Variants in ANKFN1 observed in about 807,000 individuals in gnomAD.
ANKFN1 encodes the protein ankyrin repeat and fibronectin type III domain containing 1.
In ANKFN1, 74 loss-of-function variants were observed where a neutral mutation model predicts 108.7. That is an observed-to-expected ratio of 0.68 (90% confidence interval 0.56 to 0.83). The LOEUF (loss-of-function observed/expected upper bound fraction) is 0.83. Ranked by LOEUF, ANKFN1 falls within the 40% of genes least tolerant of loss-of-function variation. ANKFN1 has a pLI of 0.00. For missense variants in ANKFN1, 1,505 were observed against 1,382.3 expected, an observed-to-expected ratio of 1.09 and a Z score of -1.41; for synonymous variants, 547 against 516.2, an observed-to-expected ratio of 1.06 and a Z score of -0.81.
chr17:56,133,903 A>C (rs2143358794), intron 4 of ANKFN1, among the ~76,000 whole-genome samples: 1 of 152,212 alleles, frequency 6.6e-6, no homozygotes. Context: ...ATGTCTTACA[A>C]TTCAATTCAA....
At chr17:56,238,045 T>A (rs1246597756) in intron 3 of ANKFN1, among the ~76,000 whole-genome samples, 1 of 152,170 alleles carries the variant, frequency 6.6e-6, no homozygotes, top group Non-Finnish European at 1.5e-5. Context: ...CCAAAAGTCA[T>A]ACAGGAGCAT....
intron 1 of ANKFN1, among the ~76,000 whole-genome samples, chr17:56,177,453 A>G (rs1317260560): frequency 6.6e-6 from 1 of 152,224 alleles, no homozygotes; most frequent in Non-Finnish European, 1.5e-5. Context: ...AGCAAGAGCC[A>G]AGTACAAGCT....
chr17:56,427,506 A>T (rs1229357391), intron 8 of ANKFN1, among the ~76,000 whole-genome samples: 1 of 152,084 alleles, frequency 6.6e-6, no homozygotes, highest in Non-Finnish European at 1.5e-5. Context: ...TGAGACTCAT[A>T]GACTCAGTAC....
At chr17:56,186,553 A>G (rs1230495445) in intron 1 of ANKFN1, among the ~76,000 whole-genome samples, 3 of 152,242 alleles carry the variant, frequency 2.0e-5, no homozygotes, top group African/African-American at 7.2e-5. Flanking sequence ...GCAAAAATGT[A>G]TGAATCGTAG....
chr17:56,209,844 A>G (rs1255745940), intron 1 of ANKFN1, among the ~76,000 whole-genome samples: 1 of 152,126 alleles, frequency 6.6e-6, no homozygotes, highest in African/African-American at 2.4e-5. Context: ...CTGAGTGCCC[A>G]AAGTCCATTG....
chr17:56,383,994 C>T (rs1265752218), intron 8 of ANKFN1, among the ~76,000 whole-genome samples: 1 of 152,150 alleles, frequency 6.6e-6, no homozygotes, highest in East Asian at 1.9e-4. Flanking sequence ...CAGCATCATC[C>T]TGATACCAAA....
chr17:56,314,176 C>G (rs992232917), intron 3 of ANKFN1, among the ~76,000 whole-genome samples: 7 of 152,152 alleles, frequency 4.6e-5, no homozygotes, highest in Non-Finnish European at 1.0e-4. Flanking sequence ...TTAGCTATTA[C>G]TCTATTCATG....
intron 3 of ANKFN1, among the ~76,000 whole-genome samples, chr17:56,249,108 A>G (rs772382200): frequency 1.3e-5 from 2 of 152,142 alleles, no homozygotes; most frequent in Non-Finnish European, 1.5e-5. Context: ...AGTGAAGATC[A>G]TCCTAACCTT....
Position 56,511,301 on chromosome 17 carries a change from G to T in ANKFN1, c.*32G>T. The stretch of plus-strand genomic sequence containing the variant: ...CCATCCCGGCTGTCCACCCCTCCAT[G>T]GCTGCTACCTGCGTTTTACATCACC... On this transcript the variant is annotated 3_prime_UTR_variant, in exon 21 of 21. Coordinates refer to ENST00000682825, the MANE Select transcript of ANKFN1 (RefSeq NM_001370326.1). 6.8e-7 allele frequency: 1 copy of T among 1,479,930 alleles called. No individual in the cohort carries two copies. Among genetic ancestry groups the T allele is most frequent in the South Asian group, 1.3e-5 (1 of 75,200 alleles). The allele number at this position is 1,479,930 out of a possible 1,614,324, so 91.7% of individuals were successfully genotyped here. A position where few individuals can be genotyped will look rare whatever the true frequency, so the allele number is the denominator to read the frequency against.
chr17:56,196,564 G>C (rs1913529668), intron 1 of ANKFN1, among the ~76,000 whole-genome samples: 1 of 151,990 alleles, frequency 6.6e-6, no homozygotes, highest in Non-Finnish European at 1.5e-5. Context: ...TGAGACCCCT[G>C]TCACTACAAA....
At chr17:56,453,855 T>A (rs1457503774) in intron 11 of ANKFN1, among the ~76,000 whole-genome samples, 4 of 152,102 alleles carry the variant, frequency 2.6e-5, no homozygotes, top group Non-Finnish European at 4.4e-5. Context: ...CAGGACTAAG[T>A]CTGATGTCAT....
intron 3 of ANKFN1, among the ~76,000 whole-genome samples, chr17:56,247,863 A>G (rs181255472): frequency 6.6e-6 from 1 of 152,286 alleles, no homozygotes; most frequent in African/African-American, 2.4e-5. Flanking sequence ...TTTCTTAGAC[A>G]ATGGTTAGCA....
At chr17:56,203,419 C>T (rs1244017989) in intron 1 of ANKFN1, among the ~76,000 whole-genome samples, 2 of 152,162 alleles carry the variant, frequency 1.3e-5, no homozygotes, top group Non-Finnish European at 2.9e-5. Flanking sequence ...TCCGACTGCC[C>T]TAGCCAAGTC....
At chr17:56,089,607 C>A (rs1905376345) in intron 4 of ANKFN1, among the ~76,000 whole-genome samples, 1 of 151,302 alleles carries the variant, frequency 6.6e-6, no homozygotes, top group South Asian at 2.1e-4. Flanking sequence ...GTGATATTAT[C>A]TTTTTCTCCC....
At chr17:56,444,057 G>A (rs1255352207) in intron 10 of ANKFN1, among the ~76,000 whole-genome samples, 2 of 152,156 alleles carry the variant, frequency 1.3e-5, no homozygotes, top group Admixed American at 6.5e-5. Flanking sequence ...CAGTCTGTAC[G>A]ATGATGTGTA....
chr17:56,186,194 T>C (rs2143656372), intron 1 of ANKFN1, among the ~76,000 whole-genome samples: 1 of 152,348 alleles, frequency 6.6e-6, no homozygotes, highest in African/African-American at 2.4e-5. Flanking sequence ...TGCATGCCCA[T>C]GTAGTATACT....
intron 4 of ANKFN1, among the ~76,000 whole-genome samples, chr17:56,109,760 C>T (rs1273388011): frequency 1.3e-5 from 2 of 152,160 alleles, no homozygotes; most frequent in Non-Finnish European, 2.9e-5. Context: ...AGCTGAAATA[C>T]CTGTCAACAG....
chr17:56,415,942 A>G (rs1202689783), intron 8 of ANKFN1, among the ~76,000 whole-genome samples: 4 of 152,186 alleles, frequency 2.6e-5, no homozygotes, highest in Non-Finnish European at 5.9e-5. Flanking sequence ...TCAACAAAAA[A>G]GCCAAGAACG....
At chr17:56,175,014 C>A (rs927999278) in intron 1 of ANKFN1, among the ~76,000 whole-genome samples, 1 of 151,958 alleles carries the variant, frequency 6.6e-6, no homozygotes, top group Non-Finnish European at 1.5e-5. Context: ...TGCTGATCAC[C>A]CCCACCCACC....
Sources: gnomAD v4.1 joint callset for allele counts (sites outside exome capture counted in the v4.1 genomes callset) on GRCh38, gnomAD v4.1.1 for gene constraint, MANE v1.5 for transcripts, NCBI Gene and HGNC (gene_info 2026-07-23, HGNC 2026-07-21) for gene names.